The following KCNMA1 variants were observed in gnomAD, a reference collection of about 807,000 sequenced individuals.
KCNMA1 encodes the protein potassium calcium-activated channel subfamily M alpha 1.
KCNMA1 carries 29 observed loss-of-function variants against 140.0 expected under a neutral mutation model. That is an observed-to-expected ratio of 0.21 (90% CI 0.15 to 0.28). KCNMA1 has a LOEUF of 0.28. Ranked by LOEUF, KCNMA1 falls within the 10% of genes least tolerant of loss-of-function variation. The pLI is 1.00. For synonymous variants in KCNMA1, 612 were observed against 611.9 expected, an observed-to-expected ratio of 1.00 and a Z score of 0.00; for missense variants, 880 against 1,602.2, an observed-to-expected ratio of 0.55 and a Z score of 7.70.
At chr10:76,964,633 A>G (rs2073137639) in intron 20 of KCNMA1, among the ~76,000 whole-genome samples, 1 of 152,134 alleles carries the variant, frequency 6.6e-6, no homozygotes, top group Admixed American at 6.5e-5. Flanking sequence ...GCCCAGTGGA[A>G]GGAATTGTGA....
chr10:77,247,920 T>G (rs1432318051), intron 3 of KCNMA1, among the ~76,000 whole-genome samples: 1 of 152,144 alleles, frequency 6.6e-6, no homozygotes, highest in Non-Finnish European at 1.5e-5. Flanking sequence ...CTTAGCCAGA[T>G]AGTAATCACT....
At chr10:77,158,268 G>A (rs2098511610) in intron 5 of KCNMA1, among the ~76,000 whole-genome samples, 1 of 152,182 alleles carries the variant, frequency 6.6e-6, no homozygotes, top group Admixed American at 6.5e-5. Context: ...CCTAGTCATT[G>A]GCTCAAGATT....
At chr10:77,234,574 T>A (rs1190907427) in intron 3 of KCNMA1, among the ~76,000 whole-genome samples, 2 of 152,246 alleles carry the variant, frequency 1.3e-5, no homozygotes, top group Non-Finnish European at 2.9e-5. Context: ...ACCAAATTAG[T>A]GACATGTAAT....
At chr10:77,361,345 GA>G (rs754495787) in intron 2 of KCNMA1, among the ~76,000 whole-genome samples, 3 of 152,192 alleles carry the variant, frequency 2.0e-5, no homozygotes, top group Non-Finnish European at 2.9e-5. Flanking sequence ...CAACAGAAAT[GA>G]GAAGGTAAGG....
chr10:77,255,832 G>C lies in KCNMA1; in HGVS notation c.541-4576C>G, dbSNP rs374605132. Among the ~76,000 whole-genome samples the C allele has an allele frequency of 5.3e-4, 79 of 149,784 alleles. 1 individual carries two copies. The Middle Eastern group carries it at 0.01, about 20-fold the overall frequency. On this transcript the variant is annotated intron_variant, in intron 2 of 27. Transcript: ENST00000286628. ...GGAGGATGAGGCAGAAGAATCTCTT[G>C]AACTTGGGAGGCAGAGGTTGCAGTT...
At chr10:77,152,955 C>T (rs1008938890) in intron 5 of KCNMA1, among the ~76,000 whole-genome samples, 2 of 152,160 alleles carry the variant, frequency 1.3e-5, no homozygotes, top group East Asian at 3.9e-4. Flanking sequence ...GTCATGAGAA[C>T]ATGGAAAATG....
rs1224836931 is a variant in KCNMA1, at chr10:77,366,148, CTCTT to C, written c.540+37710_540+37713del. Among the ~76,000 whole-genome samples, 12 of 149,894 alleles carry C rather than the reference CTCTT, an allele frequency of 8.0e-5. No homozygotes were observed. The South Asian group carries it at 1.5e-3, about 19-fold the overall frequency. The stretch of plus-strand genomic sequence containing the variant: ...TCTTTTCTTCTCTCTCTCTCTCTTT[CTCTT>C]TCTTTCTTTCTTCCTTCCTTTCTTT... On this transcript the variant is annotated intron_variant, in intron 2 of 27. Coordinates refer to ENST00000286628, the MANE Select transcript of KCNMA1 (RefSeq NM_001161352.2).
chr10:77,138,754 C>A (rs1231337431), intron 5 of KCNMA1, among the ~76,000 whole-genome samples: 5 of 152,192 alleles, frequency 3.3e-5, no homozygotes, highest in Admixed American at 3.3e-4. Flanking sequence ...TCCATGTCCT[C>A]ACGCCCTGCA....
chr10:77,590,947 C>T (rs7071842), intron 1 of KCNMA1, among the ~76,000 whole-genome samples: 24,496 of 152,124 alleles, frequency 0.16, 2,842 homozygotes, highest in East Asian at 0.52. Flanking sequence ...AGGGTGGCCA[C>T]ACACCTCATC....
At chr10:76,963,935 T>C (rs147243815) in intron 20 of KCNMA1, among the ~76,000 whole-genome samples, 24 of 152,156 alleles carry the variant, frequency 1.6e-4, no homozygotes, top group Non-Finnish European at 2.8e-4. Flanking sequence ...GGTGGTCTCC[T>C]CAAAAGGAAT....
At position 77,025,376 on chromosome 10, in the gene KCNMA1, G is replaced by A. The variant is rs368531495; in HGVS notation, c.1928+2447C>T. 49 of 1,272,048 alleles carry A rather than the reference G, an allele frequency of 3.9e-5. No homozygotes were observed. In the African/African-American group the frequency reaches 6.1e-4, roughly 16 times the overall value. The allele number at this position is 1,272,048 out of a possible 1,614,324, so 78.8% of individuals were successfully genotyped here. ...CTCTCTTCTTGAATTCTTGGCAAAT[G>A]GTTAGTCCTGTGGTTAGGAGTGAAG... On this transcript the variant is annotated intron_variant, in intron 16 of 27. Transcript: ENST00000286628.
At chr10:77,568,145 TA>T (rs1567598534) in intron 1 of KCNMA1, among the ~76,000 whole-genome samples, 1 of 152,250 alleles carries the variant, frequency 6.6e-6, no homozygotes, top group Admixed American at 6.5e-5. Context: ...AGCCGAATTC[TA>T]CCAGAGGTAC....
chr10:77,617,105 G>A (rs991518073), intron 1 of KCNMA1, among the ~76,000 whole-genome samples: 15 of 152,210 alleles, frequency 9.9e-5, no homozygotes, highest in African/African-American at 3.4e-4. Context: ...TACTACTCAC[G>A]TTTGAGACCC....
chr10:76,976,008 A>G (rs996696350), intron 19 of KCNMA1, among the ~76,000 whole-genome samples: 2 of 152,198 alleles, frequency 1.3e-5, no homozygotes, highest in African/African-American at 4.8e-5. Context: ...CTAAAATCAA[A>G]CAACCACATT....
At position 77,183,497 on chromosome 10, in the gene KCNMA1, C is replaced by T. The variant is rs200178732; in HGVS notation, c.732G>A (p.Leu244=). Reference sequence around the variant, plus strand: ...AGAAATCCACTACAGAGTTCACTTCCAGCCAGAACCACAATTTATCGTTGG... The same window carrying T: ...AGAAATCCACTACAGAGTTCACTTCTAGCCAGAACCACAATTTATCGTTGG... ...IAANDKLWFW[L]EVNSVVDFFT... The change falls in exon 5 of 28, where the codon CTG becomes CTA. Residue 244 remains leucine, a synonymous_variant. Transcript: ENST00000286628. 1.7e-5 allele frequency: 27 copies of T among 1,613,616 alleles called. No individual in the cohort carries two copies. In the South Asian group the frequency reaches 2.5e-4, roughly 15 times the overall value.
intron 3 of KCNMA1, among the ~76,000 whole-genome samples, chr10:77,237,027 G>A (rs186607695): frequency 3.0e-4 from 45 of 152,270 alleles, no homozygotes; most frequent in East Asian, 1.4e-3. Flanking sequence ...CACAGGTCTC[G>A]TCCATTATTC....
intron 2 of KCNMA1, among the ~76,000 whole-genome samples, chr10:77,368,447 C>G (rs993602497): frequency 6.6e-6 from 1 of 152,146 alleles, no homozygotes; most frequent in African/African-American, 2.4e-5. Flanking sequence ...ATAAAGCCTT[C>G]TGTAATATAT....
intron 3 of KCNMA1, among the ~76,000 whole-genome samples, chr10:77,240,067 G>T (rs2056861450): frequency 6.6e-6 from 1 of 152,088 alleles, no homozygotes; most frequent in Admixed American, 6.6e-5. Flanking sequence ...TAATATCCTG[G>T]CAGAACAGAC....
chr10:77,184,582 C>T lies in KCNMA1; in HGVS notation c.696+241G>A, dbSNP rs367622539. 1.8e-3 allele frequency among the ~76,000 whole-genome samples: 278 copies of T among 152,260 alleles called. 8 individuals carry two copies. In the South Asian group the frequency reaches 0.055, roughly 30 times the overall value. On this transcript the variant is annotated intron_variant, in intron 4 of 27. Transcript: ENST00000286628. The stretch of plus-strand genomic sequence containing the variant: ...AATAGAGAGATGAGAAACAATCCAC[C>T]GGTGGATACATCATCATTTTTCTTC...
Sources: gnomAD v4.1 joint callset for allele counts (sites outside exome capture counted in the v4.1 genomes callset) on GRCh38, gnomAD v4.1.1 for gene constraint, MANE v1.5 for transcripts, NCBI Gene and HGNC (gene_info 2026-07-23, HGNC 2026-07-21) for gene names.